FLT1: variants seen among roughly 807,000 people sequenced by gnomAD.
FLT1 encodes vascular endothelial growth factor receptor 1.
In FLT1, 49 loss-of-function variants were observed where a neutral mutation model predicts 156.3. The ratio of observed to expected loss-of-function variants is 0.31; its 90% confidence interval spans 0.25 to 0.40. FLT1 has a LOEUF of 0.40. Ranked by LOEUF, FLT1 falls within the 10% of genes least tolerant of loss-of-function variation. The pLI is 1.00. For missense variants in FLT1, 1,322 were observed against 1,637.2 expected (o/e 0.81, Z 3.32); for synonymous variants, 594 against 583.8 (o/e 1.02, Z -0.25).
At chr13:28,450,093 G>A (rs994699653) in intron 3 of FLT1, among the ~76,000 whole-genome samples, 1 of 152,162 alleles carries the variant, frequency 6.6e-6, no homozygotes, top group South Asian at 2.1e-4. Flanking sequence ...ATTGAAGCAA[G>A]CAAGAAAGGT....
intron 28 of FLT1, among the ~76,000 whole-genome samples, chr13:28,307,476 T>C (rs571153913): frequency 4.6e-5 from 7 of 152,264 alleles, no homozygotes; most frequent in African/African-American, 1.4e-4. Context: ...AGGTTGAGAA[T>C]TCTTTCACGT....
At chr13:28,407,374 T>A (rs1275491724) in intron 10 of FLT1, among the ~76,000 whole-genome samples, 1 of 152,300 alleles carries the variant, frequency 6.6e-6, no homozygotes, top group Admixed American at 6.5e-5. Flanking sequence ...TACCCCTTTT[T>A]TTTCTTCTGT....
intron 14 of FLT1, among the ~76,000 whole-genome samples, chr13:28,364,474 C>G (rs1873216836): frequency 1.3e-5 from 2 of 152,144 alleles, no homozygotes; most frequent in African/African-American, 2.4e-5. Context: ...TTTAAGAACT[C>G]TTTTCCTACC....
At chr13:28,379,666 A>G (rs1457188468) in intron 14 of FLT1, among the ~76,000 whole-genome samples, 1 of 152,180 alleles carries the variant, frequency 6.6e-6, no homozygotes, top group African/African-American at 2.4e-5. Context: ...GCCCTGGCCA[A>G]GATTGTCTCT....
chr13:28,473,645 A>AAAAGAAAGAAAGAAAG lies in FLT1; in HGVS notation c.65-6044_65-6029dup, dbSNP rs760581592. Among the ~76,000 whole-genome samples, 128 of 79,644 alleles carry AAAAGAAAGAAAGAAAG rather than the reference A, an allele frequency of 1.6e-3. 2 individuals are homozygous for AAAAGAAAGAAAGAAAG. The highest frequency in any genetic ancestry group is 5.4e-3 in the African/African-American group (125 of 23,066). The allele number at this position is 79,644 out of a possible 152,430, so 52.2% of individuals were successfully genotyped here. ...GGGTGACAGAGCAAGACTATATCTC[A>AAAAGAAAGAAAGAAAG]AAAGAAAGAAAGAAAGAAAGAAAGA... On this transcript the variant is annotated intron_variant, in intron 1 of 29. Transcript: ENST00000282397.
At chr13:28,334,193 A>G in intron 17 of FLT1, 64 bp from the exon 18 acceptor site, 1 of 1,086,830 alleles carries the variant, frequency 9.2e-7, no homozygotes, top group Non-Finnish European at 1.4e-6. Context: ...AGTCTTTTTC[A>G]GGAAGGAAAT....
chr13:28,386,072 TGTC>T (rs1418920333), intron 13 of FLT1: 4 of 1,054,908 alleles, frequency 3.8e-6, no homozygotes, highest in Non-Finnish European at 4.6e-6. Context: ...TCTCTGTCAC[TGTC>T]TTCAATTATA....
intron 20 of FLT1, among the ~76,000 whole-genome samples, 199 bp downstream of exon 20, chr13:28,327,263 A>C (rs1352725341): frequency 6.6e-6 from 1 of 152,238 alleles, no homozygotes; most frequent in Non-Finnish European, 1.5e-5. Context: ...CACAGGGATC[A>C]AATGATTCTC....
In FLT1 at chr13:28,427,139, A is replaced by C; in HGVS notation, c.1436+20T>G. On this transcript the variant is annotated intron_variant, in intron 10 of 29. Transcript: ENST00000282397. ...GTCAAAAAGTATTTGAAAGTTAGTA[A>C]AAAAACTGACTGTCCCTACCTTGCT... 6.2e-7 allele frequency: 1 copy of C among 1,611,778 alleles called. No individual in the cohort carries two copies. Among genetic ancestry groups the C allele is most frequent in the East Asian group, 2.2e-5 (1 of 44,862 alleles).
chr13:28,433,528 G>C (rs890671575), intron 6 of FLT1, among the ~76,000 whole-genome samples: 1 of 152,158 alleles, frequency 6.6e-6, no homozygotes, highest in African/African-American at 2.4e-5. Context: ...CTACAGAGTA[G>C]TTTCCAAGAA....
intron 14 of FLT1, among the ~76,000 whole-genome samples, chr13:28,359,083 G>A (rs534534541): frequency 2.0e-5 from 3 of 152,212 alleles, no homozygotes; most frequent in Admixed American, 6.5e-5. Flanking sequence ...TATGAAAGAT[G>A]TACTCAATAT....
rs1566012842 is a variant in FLT1 at position 28,412,334 on chromosome 13, C to CTTTCTTTCTTTCTTTCTTTCT, written c.1437-6441_1437-6440insAGAAAGAAAGAAAGAAAGAAA. On this transcript the variant is annotated intron_variant, in intron 10 of 29. Transcript: ENST00000282397. ...CTTTCTTTCTTTCTTTCTTTCTTTT[C>CTTTCTTTCTTTCTTTCTTTCT]TTTCTTTCTTTCTTTCTCTTTCTTT... Among the ~76,000 whole-genome samples, 177 of 59,202 alleles carry CTTTCTTTCTTTCTTTCTTTCT rather than the reference C, an allele frequency of 3.0e-3. 8 individuals carry two copies. The highest frequency in any genetic ancestry group is 4.9e-3 in the Non-Finnish European group (135 of 27,330). 38.8% of individuals were successfully genotyped at this position (59,202 alleles called of 152,430 possible).
At chr13:28,388,561 C>A (rs112110458) in intron 13 of FLT1, 2 of 1,049,876 alleles carry the variant, frequency 1.9e-6, no homozygotes, top group East Asian at 1.1e-4. Context: ...TTCCCTCAAA[C>A]GCAAGCTTAA....
At chr13:28,413,096 C>G (rs1213848263) in intron 10 of FLT1, among the ~76,000 whole-genome samples, 1 of 151,952 alleles carries the variant, frequency 6.6e-6, no homozygotes, top group Non-Finnish European at 1.5e-5. Flanking sequence ...TACTTCTTGC[C>G]TCAATGGAGA....
intron 15 of FLT1, among the ~76,000 whole-genome samples, chr13:28,349,294 A>G (rs558008347): frequency 6.6e-6 from 1 of 152,138 alleles, no homozygotes; most frequent in African/African-American, 2.4e-5. Context: ...TAACTTCCTT[A>G]AAGAAATTTC....
intron 1 of FLT1, among the ~76,000 whole-genome samples, chr13:28,477,539 T>C (rs1880614576): frequency 6.6e-6 from 1 of 152,212 alleles, no homozygotes; most frequent in Admixed American, 6.5e-5. Flanking sequence ...GCACGAGACA[T>C]AACTCGTAAA....
Position 28,467,121 on chromosome 13 carries a change from G to T in FLT1, c.170C>A (p.Ala57Glu). The change falls in exon 3 of 30, where the codon GCA becomes GAA. Residue 57 changes from alanine (A) to glutamate (E), a missense_variant. Coordinates refer to ENST00000282397, the MANE Select transcript of FLT1 (RefSeq NM_002019.4). ...QTLHLQCRGEAAHKWSLPEMV... is the reference protein window; with the variant it reads ...QTLHLQCRGEEAHKWSLPEMV... The stretch of plus-strand genomic sequence containing the variant: ...TTCAGGCAAAGACCATTTATGGGCT[G>T]CTTCCCCCCTGCAATCACAGATAAG... 1 of 1,612,826 alleles carries T rather than the reference G, an allele frequency of 6.2e-7. No homozygotes were observed. The highest frequency in any genetic ancestry group is 8.5e-7 in the Non-Finnish European group (1 of 1,179,220).
chr13:28,375,995 T>C (rs528608489), intron 14 of FLT1, among the ~76,000 whole-genome samples: 1 of 152,378 alleles, frequency 6.6e-6, no homozygotes, highest in Non-Finnish European at 1.5e-5. Flanking sequence ...CTGCTGATTC[T>C]AGTAGCCTGA....
chr13:28,385,180 C>T (rs1004435507), intron 13 of FLT1, 149 bp from the exon 14 acceptor site: 83 of 799,814 alleles, frequency 1.0e-4, no homozygotes, highest in Admixed American at 8.7e-5. Flanking sequence ...CAATCATTAA[C>T]CTGCTGCTTC....
Sources: allele counts gnomAD v4.1 joint callset (sites outside exome capture counted in the v4.1 genomes callset), GRCh38; gene constraint gnomAD v4.1.1; transcripts MANE v1.5; gene names NCBI Gene and HGNC (gene_info 2026-07-23, HGNC 2026-07-21).